Variants in FMNL2 observed in about 807,000 individuals in gnomAD.
FMNL2 encodes the protein formin-like protein 2.
A neutral mutation model predicts 130.2 loss-of-function variants in FMNL2; 51 were observed. That is an observed-to-expected ratio of 0.39 (90% CI 0.31 to 0.49). FMNL2 has a LOEUF of 0.49. FMNL2 is among the 20% of genes least tolerant of loss of function. FMNL2 has a pLI of 0.85. For missense variants in FMNL2, 977 were observed against 1,316.2 expected (o/e 0.74, Z 3.99); for synonymous variants, 465 against 467.1 (o/e 1.00, Z 0.06).
At position 152,648,456 on chromosome 2, in the gene FMNL2, C is replaced by CTTTG. The variant is rs1683805511; in HGVS notation, c.*555_*558dup. 6.5e-6 allele frequency: 1 copy of CTTTG among 153,792 alleles called. No individual in the cohort carries two copies. Among genetic ancestry groups the CTTTG allele is most frequent in the African/African-American group, 2.4e-5 (1 of 41,440 alleles). 9.5% of individuals were successfully genotyped at this position (153,792 alleles called of 1,614,324 possible). On this transcript the variant is annotated 3_prime_UTR_variant, in exon 26 of 26. Coordinates refer to ENST00000288670, the MANE Select transcript of FMNL2 (RefSeq NM_052905.4). ...GCAGTGGCACAAAGGTCACTCAATCCTTTGTTTCCAGTTTCACATTCTACT... is the reference window on the plus strand; with the variant it reads ...GCAGTGGCACAAAGGTCACTCAATCCTTTGTTTGTTTCCAGTTTCACATTCTACT...
chr2:152,533,258 T>G (rs553351305), intron 2 of FMNL2, among the ~76,000 whole-genome samples: 1 of 152,336 alleles, frequency 6.6e-6, no homozygotes, highest in African/African-American at 2.4e-5. Context: ...AGGGTGGAGT[T>G]GTACTTTTTC....
At chr2:152,383,906 A>G (rs1192429883) in intron 1 of FMNL2, among the ~76,000 whole-genome samples, 4 of 152,192 alleles carry the variant, frequency 2.6e-5, no homozygotes, top group Non-Finnish European at 5.9e-5. Flanking sequence ...GTAAAACTGT[A>G]TGTGCATATT....
chr2:152,570,224 C>T (rs1212935459), intron 6 of FMNL2, among the ~76,000 whole-genome samples: 2 of 152,152 alleles, frequency 1.3e-5, no homozygotes, highest in African/African-American at 4.8e-5. Flanking sequence ...CTGTAATCTG[C>T]TTCTTTCTGC....
At chr2:152,419,616 A>G (rs1160874258) in intron 1 of FMNL2, among the ~76,000 whole-genome samples, 1 of 152,112 alleles carries the variant, frequency 6.6e-6, no homozygotes, top group African/African-American at 2.4e-5. Context: ...TGAGATCTAA[A>G]ATGACTAATT....
chr2:152,618,998 G>C lies in FMNL2; in HGVS notation c.1467G>C (p.Gly489=). 1 of 1,614,056 alleles carries C rather than the reference G, an allele frequency of 6.2e-7. No homozygotes were observed. The highest frequency in any genetic ancestry group is 8.5e-7 in the Non-Finnish European group (1 of 1,179,910). Residue 489 remains glycine, a synonymous_variant, in exon 14 of 26, where the codon GGG becomes GGC. Transcript: ENST00000288670. ...GTIKIQKKGD[G]DIAILPVVAS... The stretch of plus-strand genomic sequence containing the variant: ...TTAAAATTCAGAAGAAAGGGGATGG[G>C]GATATCGCCATACTGCCAGTTGTGG...
intron 11 of FMNL2, among the ~76,000 whole-genome samples, chr2:152,614,612 G>C (rs184434950): frequency 6.6e-6 from 1 of 151,988 alleles, no homozygotes; most frequent in African/African-American, 2.4e-5. Context: ...GTGTGGTGGC[G>C]CGTGCCTGTA....
In FMNL2 at chr2:152,649,790, T is replaced by C. The variant is rs1312367358; in HGVS notation, c.*1885T>C. The C allele has an allele frequency of 6.5e-6, 1 of 152,694 alleles. No homozygotes were observed. The highest frequency in any genetic ancestry group is 1.5e-5 in the Non-Finnish European group (1 of 68,048). The allele number at this position is 152,694 out of a possible 1,614,324, so 9.5% of individuals were successfully genotyped here. Reference sequence around the variant, plus strand: ...TCATGTTACTTTTCTGGTCTTTTCATGGCATATGAGCAAATAATAAACTAT... The same window carrying C: ...TCATGTTACTTTTCTGGTCTTTTCACGGCATATGAGCAAATAATAAACTAT... On this transcript the variant is annotated 3_prime_UTR_variant, in exon 26 of 26. Transcript: ENST00000288670.
chr2:152,475,541 C>A (rs1254577827), intron 1 of FMNL2, among the ~76,000 whole-genome samples: 1 of 152,160 alleles, frequency 6.6e-6, no homozygotes, highest in Admixed American at 6.5e-5. Flanking sequence ...GTCATCCAGG[C>A]TGGAGTACGG....
intron 1 of FMNL2, among the ~76,000 whole-genome samples, chr2:152,512,876 A>G (rs572713266): frequency 1.6e-4 from 24 of 152,350 alleles, no homozygotes; most frequent in Middle Eastern, 3.4e-3. Context: ...ATGGAGGTGC[A>G]TTAAAGTAGC....
At chr2:152,539,686 C>T (rs1694195271) in intron 2 of FMNL2, among the ~76,000 whole-genome samples, 2 of 152,076 alleles carry the variant, frequency 1.3e-5, no homozygotes, top group Non-Finnish European at 2.9e-5. Context: ...AATTTCAAGT[C>T]CTAAGGAAAT....
At chr2:152,482,861 T>A (rs1690605946) in intron 1 of FMNL2, among the ~76,000 whole-genome samples, 1 of 152,154 alleles carries the variant, frequency 6.6e-6, no homozygotes, top group East Asian at 1.9e-4. Context: ...AAACATCAAG[T>A]AAACACAGGT....
At position 152,579,268 on chromosome 2, in the gene FMNL2, C is replaced by T. The variant is rs59858273; in HGVS notation, c.782+304C>T. On this transcript the variant is annotated intron_variant, in intron 8 of 25. Transcript: ENST00000288670. Reference sequence around the variant, plus strand: ...TGGAGAGGATCAGGTTGCCAGGACTCGGGGGCCAGGAGAGTCTTGATAAAG... The same window carrying T: ...TGGAGAGGATCAGGTTGCCAGGACTTGGGGGCCAGGAGAGTCTTGATAAAG... 6.7e-3 allele frequency among the ~76,000 whole-genome samples: 1,014 copies of T among 152,250 alleles called. 14 individuals are homozygous for T. The highest frequency in any genetic ancestry group is 0.023 in the African/African-American group (943 of 41,552).
intron 1 of FMNL2, among the ~76,000 whole-genome samples, chr2:152,427,805 G>A (rs1439347068): frequency 6.6e-6 from 1 of 152,088 alleles, no homozygotes; most frequent in African/African-American, 2.4e-5. Flanking sequence ...ATGCAGTCAA[G>A]CAGGGCCCCT....
At chr2:152,401,309 G>A (rs1254847155) in intron 1 of FMNL2, among the ~76,000 whole-genome samples, 3 of 152,206 alleles carry the variant, frequency 2.0e-5, no homozygotes, top group Admixed American at 6.5e-5. Flanking sequence ...AAATAAATGT[G>A]TGTCCTAATA....
chr2:152,649,400 A>G lies in FMNL2; in HGVS notation c.*1495A>G, dbSNP rs181952844. ...TAGTTTTTTTTAATATATATATTTA[A>G]CTATAAGGACAGTTTAGGGAACAAG... On this transcript the variant is annotated 3_prime_UTR_variant, in exon 26 of 26. Transcript: ENST00000288670. The G allele has an allele frequency of 6.6e-6, 1 of 152,442 alleles. No homozygotes were observed. The highest frequency in any genetic ancestry group is 1.5e-5 in the Non-Finnish European group (1 of 68,018). The allele number at this position is 152,442 out of a possible 1,614,324, so 9.4% of individuals were successfully genotyped here. A position where few individuals can be genotyped will look rare whatever the true frequency, so the allele number is the denominator to read the frequency against.
At chr2:152,590,009 A>ATGTATG (rs1558988595) in intron 9 of FMNL2, among the ~76,000 whole-genome samples, 1 of 121,630 alleles carries the variant, frequency 8.2e-6, no homozygotes, top group African/African-American at 3.1e-5. Flanking sequence ...ATATATATAT[A>ATGTATG]CATATACATA....
chr2:152,540,752 TAGTG>T (rs574784675), intron 2 of FMNL2, among the ~76,000 whole-genome samples: 78 of 149,376 alleles, frequency 5.2e-4, no homozygotes, highest in African/African-American at 1.9e-3. Context: ...GATGACGAGT[TAGTG>T]GGTGCAGCGC....
rs369501306 is a variant in FMNL2, at chr2:152,352,220, T to TG, written c.117+16501dup. Among the ~76,000 whole-genome samples the TG allele has an allele frequency of 6.7e-3, 1,019 of 152,306 alleles. 16 individuals are homozygous for TG. The highest frequency in any genetic ancestry group is 0.023 in the African/African-American group (967 of 41,552). ...AAGGTAGCCCTAATGTGGGTTTAAA[T>TG]GTGGATTTCATGCATGTTCAGTAAT... On this transcript the variant is annotated intron_variant, in intron 1 of 25. Transcript: ENST00000288670.
At chr2:152,552,600 T>G (rs1462069896) in intron 4 of FMNL2, among the ~76,000 whole-genome samples, 8 of 145,682 alleles carry the variant, frequency 5.5e-5, no homozygotes, top group Admixed American at 5.4e-4. Flanking sequence ...AGAAAGAAAA[T>G]TAATTTTCTT....
Sources: allele counts gnomAD v4.1 joint callset (sites outside exome capture counted in the v4.1 genomes callset), GRCh38; gene constraint gnomAD v4.1.1; transcripts MANE v1.5; gene names NCBI Gene and HGNC (gene_info 2026-07-23, HGNC 2026-07-21).